SP110: variants seen among roughly 807,000 people sequenced by gnomAD.
SP110 encodes SP110 nuclear body protein, also known as interferon-induced protein 41, 30kD.
In SP110, 62 loss-of-function variants were observed where a neutral mutation model predicts 92.7. The observed-to-expected ratio is 0.67, with a 90% CI of 0.55 to 0.83. The LOEUF (loss-of-function observed/expected upper bound fraction) is 0.83, where lower values mean the gene tolerates loss of function less well. Among genes scored for constraint, SP110 ranks in the 40% least tolerant of loss-of-function variants. The probability of loss-of-function intolerance (pLI) is 0.00; values close to 1 mark genes in which losing one functional copy is unlikely to be tolerated. For synonymous variants in SP110, 273 were observed against 305.3 expected, an observed-to-expected ratio of 0.89 and a Z score of 1.10; for missense variants, 793 against 863.9, an observed-to-expected ratio of 0.92 and a Z score of 1.03.
intron 8 of SP110, among the ~76,000 whole-genome samples, chr2:230,204,223 C>A (rs1013871666): frequency 2.6e-5 from 4 of 152,198 alleles, no homozygotes; most frequent in Non-Finnish European, 5.9e-5. Flanking sequence ...ACAGAACTGA[C>A]CATCTGACAC....
chr2:230,172,516 G>A, intron 15 of SP110: 2 of 527,984 alleles, frequency 3.8e-6, no homozygotes, highest in South Asian at 4.2e-5. Context: ...CATCAGCCAG[G>A]TGAGACTATG....
chr2:230,175,596 A>G (rs535827558), intron 14 of SP110, among the ~76,000 whole-genome samples: 1 of 152,362 alleles, frequency 6.6e-6, no homozygotes, highest in African/African-American at 2.4e-5. Context: ...TGGTCAGGCC[A>G]GCCTCCAGGG....
chr2:230,189,995 A>G (rs965614084), intron 10 of SP110, among the ~76,000 whole-genome samples: 1 of 152,148 alleles, frequency 6.6e-6, no homozygotes, highest in African/African-American at 2.4e-5. Context: ...GCTATGGTAA[A>G]TACTGCTGCG....
intron 14 of SP110, chr2:230,177,224 G>C (rs41543719): frequency 0.11 from 46,752 of 410,240 alleles, 2,972 homozygotes; most frequent in Middle Eastern, 0.16. Flanking sequence ...TCAGGTAGAG[G>C]ATGCAGGGGA....
At chr2:230,191,161 A>C (rs950721319) in intron 10 of SP110, among the ~76,000 whole-genome samples, 1 of 152,222 alleles carries the variant, frequency 6.6e-6, no homozygotes, top group Non-Finnish European at 1.5e-5. Context: ...GAAAACTTGT[A>C]GCACTAAATG....
chr2:230,216,919 G>A lies in SP110; in HGVS notation c.9C>T (p.Thr3=). MF[T]MTRAMEEALF... ...GAGCCTCTTCCATGGCTCTTGTCAT[G>A]GTGAACATCCTATGGAAAGAGGCAT... is the stretch of plus-strand genomic sequence containing the variant. Residue 3 remains threonine, a synonymous_variant, in exon 2 of 19, where the codon ACC becomes ACT. Transcript: ENST00000258381. 6.2e-7 allele frequency: 1 copy of A among 1,613,568 alleles called. No homozygotes were observed. Among genetic ancestry groups the A allele is most frequent in the Non-Finnish European group, 8.5e-7 (1 of 1,179,900 alleles).
At chr2:230,202,991 C>T in intron 8 of SP110, 1 of 504,990 alleles carries the variant, frequency 2.0e-6, no homozygotes. Context: ...TGGGGAAATC[C>T]TAGAGCTTAT....
rs558808509 is a variant in SP110, at chr2:230,182,717, C to T, written c.1348+855G>A. 9.9e-5 allele frequency among the ~76,000 whole-genome samples: 15 copies of T among 152,126 alleles called. No individual in the cohort carries two copies. The South Asian group carries it at 1.0e-3, about 11-fold the overall frequency. On this transcript the variant is annotated intron_variant, in intron 12 of 18. Coordinates refer to ENST00000258381, the MANE Select transcript of SP110 (RefSeq NM_080424.4). ...TGTCTTGAGCTGCGTGCTGGGTGTGCGGGTGCATTTTCTGTGTGTGTGAAT... is the reference window on the plus strand; with the variant it reads ...TGTCTTGAGCTGCGTGCTGGGTGTGTGGGTGCATTTTCTGTGTGTGTGAAT...
At chr2:230,173,020 G>T (rs2078490444) in intron 14 of SP110, 61 bp from the exon 15 acceptor site, 1 of 1,120,330 alleles carries the variant, frequency 8.9e-7, no homozygotes, top group African/African-American at 1.5e-5. Flanking sequence ...TGCTGACCCT[G>T]TGGGGTTCTA....
At chr2:230,210,398 G>A (rs1041161713) in intron 6 of SP110, among the ~76,000 whole-genome samples, 1 of 152,248 alleles carries the variant, frequency 6.6e-6, no homozygotes, top group Non-Finnish European at 1.5e-5. Context: ...GAAGCTGAGA[G>A]CGGAAAGTGG....
At chr2:230,213,130 G>T in intron 3 of SP110, 103 bp from the exon 4 acceptor site, 1 of 1,095,648 alleles carries the variant, frequency 9.1e-7, no homozygotes, top group Non-Finnish European at 1.4e-6. Flanking sequence ...GGGGCATGGA[G>T]CTATTCATTG....
At chr2:230,196,052 AT>A (rs911262316) in intron 10 of SP110, among the ~76,000 whole-genome samples, 76 of 152,358 alleles carry the variant, frequency 5.0e-4, no homozygotes, top group African/African-American at 1.8e-3. Flanking sequence ...ATACCTAAAC[AT>A]TTAAAAAGTT....
rs186379840 is a variant in SP110, at chr2:230,175,387, A to T, written c.1590+2151T>A. ...GTCTAATATTCTATAAGAAAAGTTT[A>T]AAAAAAAACCATTCTGTAGCTGTAT... On this transcript the variant is annotated intron_variant, in intron 14 of 18. Transcript: ENST00000258381. Among the ~76,000 whole-genome samples, 8 of 72,568 alleles carry T rather than the reference A, an allele frequency of 1.1e-4. No homozygotes were observed. In the East Asian group the frequency reaches 1.1e-3, roughly 10 times the overall value. 47.6% of individuals were successfully genotyped at this position (72,568 alleles called of 152,430 possible).
At chr2:230,174,811 C>T (rs1054149167) in intron 14 of SP110, among the ~76,000 whole-genome samples, 5 of 152,240 alleles carry the variant, frequency 3.3e-5, no homozygotes, top group African/African-American at 4.8e-5. Context: ...GACAGACGGA[C>T]GTGCTGCCGA....
Position 230,200,924 on chromosome 2 carries a change from A to G in SP110, c.1090T>C (p.Ser364Pro). The G allele has an allele frequency of 6.2e-7, 1 of 1,613,908 alleles. No individual in the cohort carries two copies. Among genetic ancestry groups the G allele is most frequent in the Non-Finnish European group, 8.5e-7 (1 of 1,179,860 alleles). The change falls in exon 10 of 19, where the codon TCC (serine) becomes CCC (proline). Residue 364 changes from serine to proline, a missense_variant. Coordinates refer to ENST00000258381, the MANE Select transcript of SP110 (RefSeq NM_080424.4). The part of the protein sequence containing the change: ...GTSEMNEGKR[S>P]QKTPSTPRRV... ...CGTGGTGTACTAGGCGTCTTCTGGG[A>G]CCTCTTTCCTTCATTCATTTCTGAA...
Position 230,171,984 on chromosome 2 carries a change from T to C in SP110, c.1815+82A>G, listed in dbSNP as rs1418214794. Reference sequence around the variant, plus strand: ...GGGAGACATTGAAGGCTCCCTTTGGTACATTGCCCTGACCCTGTGCCTGTT... The same window carrying C: ...GGGAGACATTGAAGGCTCCCTTTGGCACATTGCCCTGACCCTGTGCCTGTT... On this transcript the variant is annotated intron_variant, in intron 16 of 18. Coordinates refer to ENST00000258381, the MANE Select transcript of SP110 (RefSeq NM_080424.4). The C allele has an allele frequency of 6.5e-6, 6 of 916,582 alleles. No homozygotes were observed. In the Admixed American group the frequency reaches 1.0e-4, roughly 15 times the overall value. The allele number at this position is 916,582 out of a possible 1,614,324, so 56.8% of individuals were successfully genotyped here.
chr2:230,181,922 T>C (rs529625387), intron 12 of SP110, among the ~76,000 whole-genome samples: 119 of 152,346 alleles, frequency 7.8e-4, no homozygotes, highest in African/African-American at 2.7e-3. Context: ...GAACCAGAAA[T>C]ACCATTTGAC....
chr2:230,205,049 A>T (rs1164545401), intron 8 of SP110, among the ~76,000 whole-genome samples: 1 of 152,226 alleles, frequency 6.6e-6, no homozygotes, highest in Non-Finnish European at 1.5e-5. Context: ...GACAGTGAAC[A>T]TTACCCTAAG....
chr2:230,170,963 T>C (rs911014498), intron 17 of SP110: 4 of 625,698 alleles, frequency 6.4e-6, no homozygotes, highest in Non-Finnish European at 1.1e-5. Flanking sequence ...CATTTATGGG[T>C]ACCATAAATA....
Sources: allele counts gnomAD v4.1 joint callset (sites outside exome capture counted in the v4.1 genomes callset), GRCh38; gene constraint gnomAD v4.1.1; transcripts MANE v1.5; gene names NCBI Gene and HGNC (gene_info 2026-07-23, HGNC 2026-07-21).